The following P2RY12 variants were observed in gnomAD, a reference collection of about 807,000 sequenced individuals.
P2RY12 encodes the protein P2Y purinoceptor 12.
P2RY12 carries 3 observed loss-of-function variants against 4.5 expected under a neutral mutation model. The ratio of observed to expected loss-of-function variants is 0.67; its 90% CI spans 0.31 to 1.74. P2RY12 has a LOEUF of 1.74. Among genes scored for constraint, P2RY12 ranks in the 40% most tolerant of loss-of-function variants. The pLI is 0.09. For missense variants in P2RY12, 356 were observed against 407.8 expected (o/e 0.87, Z 1.09); for synonymous variants, 148 against 154.1 (o/e 0.96, Z 0.29).
At position 151,337,872 on chromosome 3, in the gene P2RY12, T is replaced by A. The variant is rs767580616; in HGVS notation, c.974A>T (p.Asp325Val). The stretch of plus-strand genomic sequence containing the variant: ...ACCATCCTGTTCTTTTTTCCTATTG[T>A]CCTGGGACAGAGATGTTGCAGAATT... ...CPNSATSLSQ[D>V]NRKKEQDGGD... The change falls in exon 3 of 3, where the codon GAC (aspartate) becomes GTC (valine). Residue 325 changes from aspartate (D) to valine (V), a missense_variant. Physicochemically the swap from Asp to Val is radical, Grantham distance 152. Coordinates refer to ENST00000302632, the MANE Select transcript of P2RY12 (RefSeq NM_022788.5). 6.2e-7 allele frequency: 1 copy of A among 1,614,156 alleles called. No individual in the cohort carries two copies. The highest frequency in any genetic ancestry group is 1.7e-5 in the Admixed American group (1 of 60,016).
At chr3:151,374,793 G>C (rs952705669) in intron 1 of P2RY12, among the ~76,000 whole-genome samples, 3 of 152,034 alleles carry the variant, frequency 2.0e-5, no homozygotes, top group Admixed American at 2.0e-4. Flanking sequence ...CTATAGAATA[G>C]CTTACTTTCA....
intron 1 of P2RY12, chr3:151,376,926 AAC>A (rs1283469499): frequency 1.9e-6 from 3 of 1,611,388 alleles, no homozygotes; most frequent in Non-Finnish European, 2.5e-6. Flanking sequence ...AAAAAGCAAA[AAC>A]ACGTTGATGT....
At chr3:151,347,898 G>A (rs953760241) in intron 1 of P2RY12, among the ~76,000 whole-genome samples, 1 of 152,182 alleles carries the variant, frequency 6.6e-6, no homozygotes, top group Admixed American at 6.5e-5. Context: ...GGCACAACCA[G>A]TATGCAGTCA....
chr3:151,338,671 A>G lies in P2RY12; in HGVS notation c.175T>C (p.Phe59Leu), dbSNP rs1329671155. ...ACTGTGTTCTTAAGAAAAATAATAA[A>G]GTTTGATTTACTCCGGATTTGAAAG... ...IFFQIRSKSN[F>L]IIFLKNTVIS... The change falls in exon 3 of 3, where the codon TTT becomes CTT. Residue 59 changes from phenylalanine (F) to leucine (L), a missense_variant. Phe to Leu is a conservative substitution (Grantham distance 22). Transcript: ENST00000302632. The G allele has an allele frequency of 6.2e-7, 1 of 1,613,664 alleles. No homozygotes were observed. The highest frequency in any genetic ancestry group is 1.3e-5 in the African/African-American group (1 of 74,874).
chr3:151,348,331 C>T (rs530957843), intron 1 of P2RY12, among the ~76,000 whole-genome samples: 2 of 112,416 alleles, frequency 1.8e-5, no homozygotes, highest in Non-Finnish European at 3.4e-5. Context: ...TGTACACAAA[C>T]CACCAGACCA....
chr3:151,340,436 CTAAT>C (rs767343983), intron 2 of P2RY12, among the ~76,000 whole-genome samples, 156 bp downstream of exon 2: 6 of 152,110 alleles, frequency 3.9e-5, no homozygotes, highest in Admixed American at 2.0e-4. Context: ...TCTGACATCA[CTAAT>C]TAGACTTCTA....
At chr3:151,366,318 A>G (rs1755261443) in intron 1 of P2RY12, among the ~76,000 whole-genome samples, 1 of 152,174 alleles carries the variant, frequency 6.6e-6, no homozygotes, top group African/African-American at 2.4e-5. Context: ...ACTGCCCTGG[A>G]TTCCTCACAG....
intron 1 of P2RY12, chr3:151,355,889 T>G (rs747994594): frequency 1.2e-6 from 2 of 1,601,588 alleles, no homozygotes; most frequent in Middle Eastern, 1.7e-4. Flanking sequence ...TGTTTTTATT[T>G]GCACAGATTT....
intron 2 of P2RY12, among the ~76,000 whole-genome samples, chr3:151,339,513 C>T (rs1751519154): frequency 6.6e-6 from 1 of 151,558 alleles, no homozygotes; most frequent in Non-Finnish European, 1.5e-5. Flanking sequence ...CAAAGATTGG[C>T]CTCACGGAGA....
chr3:151,342,934 T>A (rs1387113126), intron 1 of P2RY12, among the ~76,000 whole-genome samples: 1 of 152,166 alleles, frequency 6.6e-6, no homozygotes, highest in Non-Finnish European at 1.5e-5. Context: ...ATCATCCTCA[T>A]TCTCTGGATG....
Position 151,337,844 on chromosome 3 carries a change from A to T in P2RY12, c.1002T>A (p.Gly334=), listed in dbSNP as rs772596809. The change falls in exon 3 of 3, where the codon GGT becomes GGA. Residue 334 remains glycine, a synonymous_variant. Transcript: ENST00000302632. ...ACATTGGAGTCTCTTCATTTGGGTC[A>T]CCACCATCCTGTTCTTTTTTCCTAT... The part of the protein sequence containing the change: ...QDNRKKEQDG[G]DPNEETPM The T allele has an allele frequency of 2.5e-6, 4 of 1,614,068 alleles. No homozygotes were observed. Among genetic ancestry groups the T allele is most frequent in the Non-Finnish European group, 3.4e-6 (4 of 1,179,966 alleles).
intron 1 of P2RY12, 189 bp from the exon 2 acceptor site, chr3:151,340,949 G>T (rs1751742427): frequency 1.3e-5 from 2 of 152,104 alleles, no homozygotes; most frequent in Admixed American, 1.3e-4. Flanking sequence ...TTAAAATCTT[G>T]CGGCTTTTTA....
intron 1 of P2RY12, among the ~76,000 whole-genome samples, chr3:151,360,788 A>G (rs180765492): frequency 1.3e-5 from 2 of 152,280 alleles, no homozygotes; most frequent in African/African-American, 4.8e-5. Context: ...ACAATACACG[A>G]TAGTCTATTA....
chr3:151,376,951 G>T, intron 1 of P2RY12: 2 of 1,610,634 alleles, frequency 1.2e-6, no homozygotes, highest in Non-Finnish European at 1.7e-6. Context: ...GAGGATAAAG[G>T]AATACACATA....
chr3:151,382,178 G>T (rs554985459), intron 1 of P2RY12, among the ~76,000 whole-genome samples: 1 of 151,982 alleles, frequency 6.6e-6, no homozygotes, highest in Non-Finnish European at 1.5e-5. Context: ...TCAAAGTACC[G>T]TGCGTTCTCT....
chr3:151,360,700 T>C, intron 1 of P2RY12: 1 of 1,172,140 alleles, frequency 8.5e-7, no homozygotes, highest in Non-Finnish European at 1.2e-6. Context: ...TAATGAAAGC[T>C]AATTGCAATT....
intron 1 of P2RY12, chr3:151,367,789 C>T: frequency 6.3e-7 from 1 of 1,590,080 alleles, no homozygotes. Flanking sequence ...CCATGAACAT[C>T]CGTTGCTCTT....
At chr3:151,382,785 T>G in intron 1 of P2RY12, 1 of 1,514,538 alleles carries the variant, frequency 6.6e-7, no homozygotes, top group Non-Finnish European at 9.1e-7. Context: ...ATTAAACATA[T>G]TTACATGTGA....
chr3:151,350,365 C>A (rs1201767726), intron 1 of P2RY12, among the ~76,000 whole-genome samples: 5 of 151,768 alleles, frequency 3.3e-5, no homozygotes, highest in African/African-American at 9.7e-5. Flanking sequence ...AATTTTAAAG[C>A]CTTGTTTCCA....
Sources: allele counts gnomAD v4.1 joint callset (sites outside exome capture counted in the v4.1 genomes callset), GRCh38; gene constraint gnomAD v4.1.1; transcripts MANE v1.5; gene names NCBI Gene and HGNC (gene_info 2026-07-23, HGNC 2026-07-21).